The following AHR variants were observed in gnomAD, a reference collection of about 807,000 sequenced individuals.
AHR encodes AH-receptor.
Under a neutral mutation model 86.8 loss-of-function variants are expected in AHR, and 40 were observed. The ratio of observed to expected loss-of-function variants is 0.46; its 90% CI spans 0.36 to 0.60. The LOEUF (loss-of-function observed/expected upper bound fraction) is 0.60, where lower values mean the gene tolerates loss of function less well. Ranked by LOEUF, AHR falls within the 20% of genes least tolerant of loss-of-function variation. The pLI is 0.00. For missense variants in AHR, 1,001 were observed against 1,011.6 expected, an observed-to-expected ratio of 0.99 and a Z score of 0.14; for synonymous variants, 398 against 354.9, an observed-to-expected ratio of 1.12 and a Z score of -1.37.
chr7:17,305,091 A>C (rs1781992232), intron 1 of AHR, among the ~76,000 whole-genome samples: 1 of 152,164 alleles, frequency 6.6e-6, no homozygotes, highest in East Asian at 1.9e-4. Flanking sequence ...CAAAAGGGAA[A>C]GGAAAGAACT....
At position 17,339,176 on chromosome 7, in the gene AHR, C is replaced by G. The variant is rs752860640; in HGVS notation, c.1351C>G (p.Leu451Val). Reference protein sequence around the residue: ...ATTSTLSKDSLNPSSLLAAMM... With the variant: ...ATTSTLSKDSVNPSSLLAAMM... ...CACATCCACTCTAAGCAAGGACTCT[C>G]TCAATCCTAGTTCCCTCCTGGCTGC... is the stretch of plus-strand genomic sequence containing the variant. The change falls in exon 10 of 11, where the codon CTC (leucine) becomes GTC (valine). Residue 451 changes from leucine (L) to valine (V), a missense_variant. Physicochemically the swap from Leu to Val is conservative, Grantham distance 32 (BLOSUM62 1). Around this residue, in one of 2 missense-constraint regions of AHR, gnomAD observed 607 missense variants for 543.1 expected, o/e 1.12. Transcript: ENST00000242057. 1.2e-6 allele frequency: 2 copies of G among 1,614,182 alleles called. No individual in the cohort carries two copies. Among genetic ancestry groups the G allele is most frequent in the Admixed American group, 3.3e-5 (2 of 60,018 alleles).
At position 17,345,394 on chromosome 7, in the gene AHR, T is replaced by C. The variant is rs1371851138; in HGVS notation, c.*2330T>C. 1 of 152,600 alleles carries C rather than the reference T, an allele frequency of 6.6e-6. No homozygotes were observed. The highest frequency in any genetic ancestry group is 1.5e-5 in the Non-Finnish European group (1 of 68,026). The allele number at this position is 152,600 out of a possible 1,614,324, so 9.5% of individuals were successfully genotyped here. A position where few individuals can be genotyped will look rare whatever the true frequency, so the allele number is the denominator to read the frequency against. ...TATAAAAATGGCTTCGGACAAAATA[T>C]CTCTGAGTTCTGTGTATTTTCAGTC... On this transcript the variant is annotated 3_prime_UTR_variant, in exon 11 of 11. Transcript: ENST00000242057.
chr7:17,322,720 CCA>C (rs1782187500), intron 3 of AHR, 113 bp downstream of exon 3: 1 of 720,364 alleles, frequency 1.4e-6, no homozygotes, highest in East Asian at 2.7e-5. Flanking sequence ...ATGTTTTTTG[CCA>C]CTTTCATCTG....
chr7:17,308,626 G>A (rs1424277554), intron 1 of AHR, among the ~76,000 whole-genome samples: 1 of 151,622 alleles, frequency 6.6e-6, no homozygotes, highest in Admixed American at 6.6e-5. Context: ...ATAGCTAGGG[G>A]AACCATCACC....
intron 4 of AHR, 61 bp from the exon 5 acceptor site, chr7:17,329,891 T>G: frequency 4.1e-6 from 6 of 1,473,910 alleles, no homozygotes; most frequent in Non-Finnish European, 5.5e-6. Context: ...GCTTTAAAAT[T>G]AATTTAGCCA....
chr7:17,317,457 T>C (rs1782128027), intron 2 of AHR, among the ~76,000 whole-genome samples: 1 of 152,108 alleles, frequency 6.6e-6, no homozygotes, highest in African/African-American at 2.4e-5. Flanking sequence ...GTGCTTCAGC[T>C]TTTGTGTTTG....
In AHR at chr7:17,339,203, A is replaced by G. The variant is rs568450282; in HGVS notation, c.1378A>G (p.Met460Val). 2.5e-6 allele frequency: 4 copies of G among 1,614,218 alleles called. No individual in the cohort carries two copies. Among genetic ancestry groups the G allele is most frequent in the African/African-American group, 2.7e-5 (2 of 75,068 alleles). The change falls in exon 10 of 11, where the codon ATG becomes GTG. Residue 460 changes from methionine to valine, a missense_variant. Met to Val is a conservative substitution (Grantham distance 21, BLOSUM62 1). Around this residue, in one of 2 missense-constraint regions of AHR, gnomAD observed 607 missense variants for 543.1 expected, o/e 1.12. Transcript: ENST00000242057. Reference sequence around the variant, plus strand: ...CAATCCTAGTTCCCTCCTGGCTGCCATGATGCAACAAGATGAGTCTATTTA... The same window carrying G: ...CAATCCTAGTTCCCTCCTGGCTGCCGTGATGCAACAAGATGAGTCTATTTA... ...SLNPSSLLAA[M>V]MQQDESIYLY...
At chr7:17,328,023 T>C (rs1254633464) in intron 4 of AHR, among the ~76,000 whole-genome samples, 175 bp downstream of exon 4, 2 of 151,930 alleles carry the variant, frequency 1.3e-5, no homozygotes, top group African/African-American at 4.8e-5. Context: ...CTATAATTCC[T>C]TTAAACCTTT....
Position 17,322,504 on chromosome 7 carries a change from C to A in AHR, c.257C>A (p.Ala86Glu). 6.2e-7 allele frequency: 1 copy of A among 1,600,256 alleles called. No homozygotes were observed. Among genetic ancestry groups the A allele is most frequent in the South Asian group, 1.1e-5 (1 of 90,222 alleles). ...TGTTTTTCCTTTTTTTCCATAGTTGCATTAAAATCCTCCCCTACTGAAAGA... is the reference window on the plus strand; with the variant it reads ...TGTTTTTCCTTTTTTTCCATAGTTGAATTAAAATCCTCCCCTACTGAAAGA... ...YLRAKSFFDV[A>E]LKSSPTERNG... Residue 86 changes from alanine to glutamate, a missense_variant, in exon 3 of 11, where the codon GCA (alanine) becomes GAA (glutamate). Transcript: ENST00000242057.
chr7:17,321,544 T>C (rs1782172352), intron 2 of AHR, among the ~76,000 whole-genome samples: 1 of 151,510 alleles, frequency 6.6e-6, no homozygotes, highest in South Asian at 2.1e-4. Flanking sequence ...TTATTATTTC[T>C]ATTCAGCTGC....
Position 17,299,074 on chromosome 7 carries a change from G to A in AHR, c.-191G>A. The A allele has an allele frequency of 1.8e-6, 1 of 570,922 alleles. No homozygotes were observed. The highest frequency in any genetic ancestry group is 2.9e-6 in the Non-Finnish European group (1 of 345,962). 35.4% of individuals were successfully genotyped at this position (570,922 alleles called of 1,614,324 possible). On this transcript the variant is annotated 5_prime_UTR_variant, in exon 1 of 11. Transcript: ENST00000242057. ...AGGCAGCTCACCTGTACTGGCGCGG[G>A]CTGCGGAAGCCTGCGTGAGCCGAGG...
intron 2 of AHR, among the ~76,000 whole-genome samples, chr7:17,313,100 A>G (rs760670598): frequency 1.3e-5 from 2 of 152,214 alleles, no homozygotes; most frequent in African/African-American, 2.4e-5. Context: ...ATACAGAAAC[A>G]TACAGTTAGA....
intron 2 of AHR, among the ~76,000 whole-genome samples, chr7:17,311,501 T>A (rs1322619589): frequency 6.6e-6 from 1 of 152,240 alleles, no homozygotes; most frequent in East Asian, 1.9e-4. Context: ...TAGATTTATG[T>A]TTACATAATC....
chr7:17,310,789 G>A (rs753370342), intron 2 of AHR, among the ~76,000 whole-genome samples: 1 of 152,114 alleles, frequency 6.6e-6, no homozygotes, highest in African/African-American at 2.4e-5. Context: ...GCCCGTCTCA[G>A]CCTCCCAAAG....
intron 3 of AHR, among the ~76,000 whole-genome samples, chr7:17,327,416 A>T (rs1249903235): frequency 1.3e-5 from 2 of 151,974 alleles, no homozygotes; most frequent in Non-Finnish European, 2.9e-5. Flanking sequence ...TCCCTCTAAA[A>T]AAAAGCAGTG....
intron 4 of AHR, among the ~76,000 whole-genome samples, chr7:17,328,995 T>C (rs1782257220): frequency 6.6e-6 from 1 of 151,970 alleles, no homozygotes; most frequent in South Asian, 2.1e-4. Context: ...ATGTATTATA[T>C]AACTGTCTTA....
intron 3 of AHR, 99 bp downstream of exon 3, chr7:17,322,706 C>A: frequency 3.5e-6 from 3 of 855,732 alleles, no homozygotes; most frequent in Non-Finnish European, 5.5e-6. Flanking sequence ...TTAGGATTTG[C>A]TCAATGTTTT....
chr7:17,309,247 G>A (rs1584030549), intron 1 of AHR, among the ~76,000 whole-genome samples: 1 of 152,182 alleles, frequency 6.6e-6, no homozygotes, highest in Non-Finnish European at 1.5e-5. Flanking sequence ...TAATAATTAA[G>A]TATAATTATT....
Position 17,343,291 on chromosome 7 carries a change from C to A in AHR, c.*227C>A. The A allele has an allele frequency of 1.8e-6, 1 of 549,784 alleles. No individual in the cohort carries two copies. 34.1% of individuals were successfully genotyped at this position (549,784 alleles called of 1,614,324 possible). On this transcript the variant is annotated 3_prime_UTR_variant, in exon 11 of 11. Transcript: ENST00000242057. Reference sequence around the variant, plus strand: ...AGTCAAGATAGAAAGGGTGCTGCCACGGAGTGGTGAGGTACCGTCTACATT... The same window carrying A: ...AGTCAAGATAGAAAGGGTGCTGCCAAGGAGTGGTGAGGTACCGTCTACATT...
Sources: gnomAD v4.1 joint callset for allele counts (sites outside exome capture counted in the v4.1 genomes callset) on GRCh38, gnomAD v4.1.1 for gene constraint, gnomAD v4.1.1 regional missense constraint, MANE v1.5 for transcripts, NCBI Gene and HGNC (gene_info 2026-07-23, HGNC 2026-07-21) for gene names.